Variants in RGPD3 observed in about 807,000 individuals in gnomAD.
RGPD3 encodes the protein RANBP2 like and GRIP domain containing 3, also known as ranBP2-like and GRIP domain-containing protein 3.
Under a neutral mutation model 154.5 loss-of-function variants are expected in RGPD3, and 62 were observed. The ratio of observed to expected loss-of-function variants is 0.40; its 90% confidence interval spans 0.33 to 0.50. The LOEUF is 0.50. Ranked by LOEUF, RGPD3 falls within the 20% of genes least tolerant of loss-of-function variation. RGPD3 has a pLI of 0.59. For missense variants in RGPD3, 919 were observed against 1,716.8 expected (o/e 0.54, Z 8.21); for synonymous variants, 308 against 607.0 (o/e 0.51, Z 7.24).
chr2:106,436,279 T>C, intron 11 of RGPD3, 33 bp from the exon 12 acceptor site: 1 of 1,611,714 alleles, frequency 6.2e-7, no homozygotes. Context: ...AAAATTGCTT[T>C]CTAAATACAC....
upstream of RGPD3, among the ~76,000 whole-genome samples, chr2:106,468,679 G>A (rs1678729327): frequency 6.6e-6 from 1 of 152,032 alleles, no homozygotes; most frequent in African/African-American, 2.4e-5. Context: ...GGTGGCAGGT[G>A]CCTGTAGTCC....
intron 20 of RGPD3, among the ~76,000 whole-genome samples, chr2:106,421,570 C>T (rs1430364659): frequency 2.7e-5 from 4 of 150,902 alleles, no homozygotes; most frequent in African/African-American, 9.7e-5. Context: ...TCAACAGATC[C>T]CACTTCTTGT....
chr2:106,409,388 C>T (rs1676603767), intron 22 of RGPD3, among the ~76,000 whole-genome samples: 1 of 151,898 alleles, frequency 6.6e-6, no homozygotes, highest in South Asian at 2.1e-4. Context: ...TTTCTTTTTG[C>T]TTGAAGTACA....
At chr2:106,462,361 T>G (rs553422438) in intron 1 of RGPD3, among the ~76,000 whole-genome samples, 2 of 151,228 alleles carry the variant, frequency 1.3e-5, no homozygotes, top group African/African-American at 4.9e-5. Flanking sequence ...CTGCTCACTT[T>G]ACAAGGGAAC....
chr2:106,426,145 A>T, intron 18 of RGPD3, 57 bp from the exon 19 acceptor site: 2 of 1,575,164 alleles, frequency 1.3e-6, no homozygotes, highest in South Asian at 2.3e-5. Flanking sequence ...TACAGTTAAG[A>T]CTATCTAGGC....
intron 20 of RGPD3, 112 bp from the exon 21 acceptor site, chr2:106,416,101 T>C: frequency 1.3e-6 from 2 of 1,513,724 alleles, no homozygotes; most frequent in Non-Finnish European, 8.9e-7. Flanking sequence ...TTTATAGCTC[T>C]GCTTTCTTTG....
chr2:106,468,438 A>AGT (rs1424614631), upstream of RGPD3: 2 of 1,466,896 alleles, frequency 1.4e-6, no homozygotes, highest in East Asian at 2.5e-5. Context: ...CTGCGTCAAC[A>AGT]GTGTGTGGAA....
intron 20 of RGPD3, among the ~76,000 whole-genome samples, 179 bp downstream of exon 20, chr2:106,422,864 C>A (rs1188610187): frequency 6.6e-6 from 1 of 152,098 alleles, no homozygotes; most frequent in East Asian, 1.9e-4. Context: ...ACTAAGTTCT[C>A]TTGCTCTTTG....
Sources: allele counts gnomAD v4.1 joint callset (sites outside exome capture counted in the v4.1 genomes callset), GRCh38; gene constraint gnomAD v4.1.1; transcripts MANE v1.5; gene names NCBI Gene and HGNC (gene_info 2026-07-23, HGNC 2026-07-21).